The following ZNF462 variants were observed in gnomAD, a reference collection of about 807,000 sequenced individuals.
ZNF462 encodes the protein zinc finger protein 462.
In ZNF462, 10 loss-of-function variants were observed where a neutral mutation model predicts 201.9. That is an observed-to-expected ratio of 0.05 (90% CI 0.03 to 0.08). The LOEUF (loss-of-function observed/expected upper bound fraction) is 0.08, where lower values mean the gene tolerates loss of function less well. Among genes scored for constraint, ZNF462 ranks in the 10% least tolerant of loss-of-function variants. The pLI is 1.00. For missense variants in ZNF462, 2,523 were observed against 3,168.3 expected, an observed-to-expected ratio of 0.80 and a Z score of 4.89; for synonymous variants, 1,227 against 1,193.3, an observed-to-expected ratio of 1.03 and a Z score of -0.58.
At chr9:106,960,914 T>G (rs1182517937) in intron 7 of ZNF462, among the ~76,000 whole-genome samples, 1 of 152,118 alleles carries the variant, frequency 6.6e-6, no homozygotes, top group Non-Finnish European at 1.5e-5. Flanking sequence ...ACTACAAGTC[T>G]TTAGGCAAAA....
At position 107,012,731 on chromosome 9, in the gene ZNF462, AC is replaced by A. The variant is rs1829993564; in HGVS notation, c.*1702del. ...TTCATGTTTTTTTTTTTTTTTTTTTACTTGGAAGGGTTGTGGGAGGGTGGGA... is the reference window on the plus strand; with the variant it reads ...TTCATGTTTTTTTTTTTTTTTTTTTATTGGAAGGGTTGTGGGAGGGTGGGA... On this transcript the variant is annotated 3_prime_UTR_variant, in exon 13 of 13. Transcript: ENST00000277225. 1.2e-4 allele frequency: 3 copies of A among 24,406 alleles called. No homozygotes were observed. Among genetic ancestry groups the A allele is most frequent in the Admixed American group, 4.6e-4 (1 of 2,158 alleles). The allele number at this position is 24,406 out of a possible 1,614,324, so 1.5% of individuals were successfully genotyped here.
chr9:106,904,023 T>C (rs891303390), intron 1 of ZNF462, among the ~76,000 whole-genome samples: 5 of 152,214 alleles, frequency 3.3e-5, no homozygotes, highest in African/African-American at 9.6e-5. Flanking sequence ...TTTTGTTTTA[T>C]AGGTCCTGTG....
rs796230970 is a variant in ZNF462, at chr9:106,945,806, A to G, written c.6427+6699A>G. On this transcript the variant is annotated intron_variant, in intron 7 of 12. Transcript: ENST00000277225. ...TGCAACTTCAGTGGAGCAAAGTGGCATTGAAGACCCCGAATCTTCTGTTAT... is the reference window on the plus strand; with the variant it reads ...TGCAACTTCAGTGGAGCAAAGTGGCGTTGAAGACCCCGAATCTTCTGTTAT... Among the ~76,000 whole-genome samples, 8 of 152,358 alleles carry G rather than the reference A, an allele frequency of 5.3e-5. 1 individual carries two copies. Among genetic ancestry groups the G allele is most frequent in the African/African-American group, 1.9e-4 (8 of 41,580 alleles).
rs1433173684 is a variant in ZNF462, at chr9:106,880,602, G to T, written c.-31+17247G>T. On this transcript the variant is annotated intron_variant, in intron 1 of 12. Transcript: ENST00000277225. The surrounding 1 kb of genome is among the most constrained non-coding windows in gnomAD (Gnocchi z 4.1). ...ATCCTGCCTTTCTGGTGTCAGTTTT[G>T]TGGAGCTGCTAGAATAGAAAGAGTG... Among the ~76,000 whole-genome samples, 1 of 152,186 alleles carries T rather than the reference G, an allele frequency of 6.6e-6. No individual in the cohort carries two copies. Among genetic ancestry groups the T allele is most frequent in the Non-Finnish European group, 1.5e-5 (1 of 68,034 alleles).
At position 106,950,703 on chromosome 9, in the gene ZNF462, A is replaced by C. The variant is rs1215197108; in HGVS notation, c.6427+11596A>C. Among the ~76,000 whole-genome samples the C allele has an allele frequency of 6.6e-6, 1 of 152,224 alleles. No homozygotes were observed. Among genetic ancestry groups the C allele is most frequent in the African/African-American group, 2.4e-5 (1 of 41,460 alleles). On this transcript the variant is annotated intron_variant, in intron 7 of 12. Transcript: ENST00000277225. The surrounding 1 kb of genome is among the most constrained non-coding windows in gnomAD (Gnocchi z 4.1). ...TGTGTTGTTCTGTGGACAATAAAAT[A>C]AGATCATTTTTGCTAATATGGTTAC... is the stretch of plus-strand genomic sequence containing the variant.
In ZNF462 at chr9:107,011,133, C is replaced by T. The variant is rs1829906327; in HGVS notation, c.*103C>T. 1 of 1,163,688 alleles carries T rather than the reference C, an allele frequency of 8.6e-7. No homozygotes were observed. Among genetic ancestry groups the T allele is most frequent in the East Asian group, 2.5e-5 (1 of 39,906 alleles). The allele number at this position is 1,163,688 out of a possible 1,614,324, so 72.1% of individuals were successfully genotyped here. On this transcript the variant is annotated 3_prime_UTR_variant, in exon 13 of 13. Coordinates refer to ENST00000277225, the MANE Select transcript of ZNF462 (RefSeq NM_021224.6). This position sits in a 1 kb window ranked among gnomAD's most constrained non-coding sequence, Gnocchi z 5.6. ...GAGGGACAGAAAAGAGAAGACAGAACAAAGCTGCTTTTTAGGACTGAACAA... is the reference window on the plus strand; with the variant it reads ...GAGGGACAGAAAAGAGAAGACAGAATAAAGCTGCTTTTTAGGACTGAACAA...
At chr9:106,976,834 G>A (rs571315853) in intron 9 of ZNF462, among the ~76,000 whole-genome samples, 51 of 152,138 alleles carry the variant, frequency 3.4e-4, no homozygotes, top group Non-Finnish European at 6.2e-4. Flanking sequence ...TATCCCCCAT[G>A]ATGAGGAAAT....
intron 8 of ZNF462, among the ~76,000 whole-genome samples, chr9:106,973,331 A>T (rs189166712): frequency 1.3e-5 from 2 of 152,138 alleles, no homozygotes; most frequent in Admixed American, 1.3e-4. Flanking sequence ...TTGGAAGAAG[A>T]AGTCTCTTTC....
Position 106,865,741 on chromosome 9 carries a change from C to G in ZNF462, c.-31+2386C>G, listed in dbSNP as rs1827301033. On this transcript the variant is annotated intron_variant, in intron 1 of 12. Transcript: ENST00000277225. This position sits in a 1 kb window ranked among gnomAD's most constrained non-coding sequence, Gnocchi z 4.1. ...AAAAACATGATGTCAGTTGAGAAAA[C>G]CTTATGTCCAGGTATCTTCACCTTT... Among the ~76,000 whole-genome samples, 1 of 152,148 alleles carries G rather than the reference C, an allele frequency of 6.6e-6. No homozygotes were observed. Among genetic ancestry groups the G allele is most frequent in the African/African-American group, 2.4e-5 (1 of 41,420 alleles).
Position 107,010,686 on chromosome 9 carries a change from C to T in ZNF462, c.7314-137C>T. 1.3e-6 allele frequency: 1 copy of T among 748,556 alleles called. No homozygotes were observed. The highest frequency in any genetic ancestry group is 2.1e-6 in the Non-Finnish European group (1 of 478,200). The allele number at this position is 748,556 out of a possible 1,614,324, so 46.4% of individuals were successfully genotyped here. ...TTGGTATTTTGTCATACACCCATGG[C>T]ATTTGTTCAAAGGAAACCCCAAGGC... On this transcript the variant is annotated intron_variant, in intron 12 of 12. Coordinates refer to ENST00000277225, the MANE Select transcript of ZNF462 (RefSeq NM_021224.6). This position sits in a 1 kb window ranked among gnomAD's most constrained non-coding sequence, Gnocchi z 4.6.
chr9:106,907,787 C>T (rs1281612173), intron 1 of ZNF462, among the ~76,000 whole-genome samples: 2 of 151,874 alleles, frequency 1.3e-5, no homozygotes, highest in Non-Finnish European at 2.9e-5. Flanking sequence ...CCATTTCCCC[C>T]TGTACTTGAG....
chr9:106,964,008 CGTGTGTGTGT>C (rs111450825), intron 7 of ZNF462, among the ~76,000 whole-genome samples: 9 of 146,748 alleles, frequency 6.1e-5, no homozygotes, highest in African/African-American at 1.2e-4. Context: ...AAATAATATT[CGTGTGTGTGT>C]GTGTGTGTGT....
At chr9:106,862,263 TC>T (rs754273213), upstream of ZNF462, among the ~76,000 whole-genome samples, 1 of 152,176 alleles carries the variant, frequency 6.6e-6, no homozygotes, top group Non-Finnish European at 1.5e-5. The surrounding 1 kb of genome is among the most constrained non-coding windows in gnomAD (Gnocchi z 4.2). Flanking sequence ...AACCTCCAGT[TC>T]CCCACGTATG....
At position 106,930,487 on chromosome 9, in the gene ZNF462, G is replaced by A. The variant is rs1349327389; in HGVS notation, c.5848-38G>A. On this transcript the variant is annotated intron_variant, in intron 3 of 12. Coordinates refer to ENST00000277225, the MANE Select transcript of ZNF462 (RefSeq NM_021224.6). The surrounding 1 kb of genome is among the most constrained non-coding windows in gnomAD (Gnocchi z 5.8). ...GAATAAATTCTGACAATTGAGGGAG[G>A]GCTCGGAGTACTGATGGCTACCACT... The A allele has an allele frequency of 1.2e-6, 2 of 1,603,358 alleles. No homozygotes were observed. Among genetic ancestry groups the A allele is most frequent in the Admixed American group, 1.7e-5 (1 of 59,470 alleles).
intron 11 of ZNF462, among the ~76,000 whole-genome samples, chr9:107,004,932 G>A (rs954349378): frequency 7.2e-5 from 11 of 151,898 alleles, no homozygotes. Flanking sequence ...GACTTTTCTA[G>A]TTTCCCCACA....
intron 10 of ZNF462, among the ~76,000 whole-genome samples, chr9:106,992,089 T>C (rs1381737274): frequency 2.0e-5 from 3 of 151,910 alleles, no homozygotes; most frequent in African/African-American, 7.2e-5. Context: ...TGCAAAGTAA[T>C]TATCTAACAA....
intron 11 of ZNF462, among the ~76,000 whole-genome samples, chr9:107,007,650 T>C (rs1339446965): frequency 2.0e-5 from 3 of 152,162 alleles, no homozygotes; most frequent in Non-Finnish European, 4.4e-5. Flanking sequence ...GAATCAACTT[T>C]CCACCATCTA....
chr9:106,869,138 T>C (rs1827476818), intron 1 of ZNF462, among the ~76,000 whole-genome samples: 1 of 152,230 alleles, frequency 6.6e-6, no homozygotes, highest in South Asian at 2.1e-4. Flanking sequence ...ACAATTGGAC[T>C]CTGAGGATCT....
chr9:106,968,915 T>A lies in ZNF462; in HGVS notation c.6428-3090T>A, dbSNP rs1832201468. On this transcript the variant is annotated intron_variant, in intron 7 of 12. Coordinates refer to ENST00000277225, the MANE Select transcript of ZNF462 (RefSeq NM_021224.6). The surrounding 1 kb of genome is among the most constrained non-coding windows in gnomAD (Gnocchi z 4.0). ...TTTCTAACCTGGGCACAGAACGACC[T>A]CCTTCCTGCTCTTCAGGCCATGCTT... 6.6e-6 allele frequency among the ~76,000 whole-genome samples: 1 copy of A among 152,200 alleles called. No individual in the cohort carries two copies. The highest frequency in any genetic ancestry group is 2.4e-5 in the African/African-American group (1 of 41,452).
Sources: allele counts gnomAD v4.1 joint callset (sites outside exome capture counted in the v4.1 genomes callset), GRCh38; gene constraint gnomAD v4.1.1; non-coding constraint Gnocchi (gnomAD v3.1); transcripts MANE v1.5; gene names NCBI Gene and HGNC (gene_info 2026-07-23, HGNC 2026-07-21).